The following SHC3 variants were observed in gnomAD, a reference collection of about 807,000 sequenced individuals.
The protein encoded by SHC3 is SHC adaptor protein 3.
In SHC3, 15 loss-of-function variants were observed where a neutral mutation model predicts 60.4. That is an observed-to-expected ratio of 0.25 (90% CI 0.17 to 0.38). The LOEUF (loss-of-function observed/expected upper bound fraction) is 0.38, where lower values mean the gene tolerates loss of function less well. Among genes scored for constraint, SHC3 ranks in the 10% least tolerant of loss-of-function variants. The probability of loss-of-function intolerance (pLI) is 1.00; values close to 1 mark genes in which losing one functional copy is unlikely to be tolerated. For synonymous variants in SHC3, 294 were observed against 325.9 expected (o/e 0.90, Z 1.05); for missense variants, 677 against 786.1 (o/e 0.86, Z 1.66).
chr9:89,028,908 A>G (rs1212689130), intron 11 of SHC3, among the ~76,000 whole-genome samples: 1 of 147,812 alleles, frequency 6.8e-6, no homozygotes, highest in African/African-American at 2.5e-5. Context: ...ATTAATCTAT[A>G]TCTATTAATA....
chr9:89,013,666 T>G (rs911277163), intron 11 of SHC3, 91 bp from the exon 12 acceptor site: 12 of 1,500,410 alleles, frequency 8.0e-6, no homozygotes, highest in Admixed American at 2.1e-5. Flanking sequence ...CCATCTGAAC[T>G]GGCCCAGAAG....
chr9:89,104,615 G>A (rs1443218431), intron 2 of SHC3, among the ~76,000 whole-genome samples: 2 of 152,178 alleles, frequency 1.3e-5, no homozygotes, highest in Non-Finnish European at 2.9e-5. Context: ...CACATTAGGT[G>A]AGAAGTGCTT....
intron 7 of SHC3, among the ~76,000 whole-genome samples, chr9:89,049,679 G>A (rs746926222): frequency 6.6e-6 from 1 of 152,186 alleles, no homozygotes; most frequent in African/African-American, 2.4e-5. Context: ...TGGCCTAAAG[G>A]TTTCTCTGTA....
At chr9:89,052,392 G>C (rs1324916848) in intron 6 of SHC3, among the ~76,000 whole-genome samples, 1 of 152,138 alleles carries the variant, frequency 6.6e-6, no homozygotes, top group African/African-American at 2.4e-5. Context: ...AAAATTATAG[G>C]TTTCATTTTT....
rs755661720 is a variant in SHC3, at chr9:89,071,208, C to T, written c.774G>A (p.Gly258=). 6.2e-7 allele frequency: 1 copy of T among 1,614,078 alleles called. No individual in the cohort carries two copies. Among genetic ancestry groups the T allele is most frequent in the African/African-American group, 1.3e-5 (1 of 75,030 alleles). Residue 258 remains glycine (G), a synonymous_variant, in exon 5 of 12, where the codon GGG becomes GGA. Transcript: ENST00000375835. ...HHMRSISFAS[G]GDPDTTDYVA... ...CCCCAAGGGTACTTACCGGGTCTCC[C>T]CCAGAGGCGAAGGAGATGGACCGCA... is the stretch of plus-strand genomic sequence containing the variant.
At chr9:89,056,613 A>T (rs1316700516) in intron 6 of SHC3, among the ~76,000 whole-genome samples, 2 of 152,192 alleles carry the variant, frequency 1.3e-5, no homozygotes, top group Non-Finnish European at 2.9e-5. Context: ...TTCAGTTAAA[A>T]CTAGTTCACA....
intron 11 of SHC3, among the ~76,000 whole-genome samples, chr9:89,035,101 A>G (rs1824549613): frequency 6.6e-6 from 1 of 152,214 alleles, no homozygotes; most frequent in African/African-American, 2.4e-5. Context: ...ACCAATAAAT[A>G]GTGCGGGTTC....
chr9:89,029,093 A>G (rs2118663842), intron 11 of SHC3, among the ~76,000 whole-genome samples: 1 of 151,652 alleles, frequency 6.6e-6, no homozygotes, highest in South Asian at 2.1e-4. Context: ...AGCTCCCAGA[A>G]CATAGAACAT....
chr9:89,170,279 G>A (rs1410114799), intron 1 of SHC3, among the ~76,000 whole-genome samples: 2 of 152,228 alleles, frequency 1.3e-5, no homozygotes, highest in Non-Finnish European at 2.9e-5. Flanking sequence ...CATAGCTCAT[G>A]CAGTCAAAAT....
chr9:89,134,121 T>C (rs926042247), intron 1 of SHC3, among the ~76,000 whole-genome samples: 6 of 152,082 alleles, frequency 3.9e-5, no homozygotes, highest in African/African-American at 1.4e-4. Context: ...AAGTTAACAG[T>C]GCAATATGTG....
chr9:89,159,939 A>C (rs1826680225), intron 1 of SHC3, among the ~76,000 whole-genome samples: 1 of 152,202 alleles, frequency 6.6e-6, no homozygotes, highest in Non-Finnish European at 1.5e-5. Flanking sequence ...TGCATCCTTC[A>C]ATCCAATTAA....
intron 6 of SHC3, among the ~76,000 whole-genome samples, chr9:89,054,938 G>A (rs188950113): frequency 1.3e-5 from 2 of 152,316 alleles, no homozygotes; most frequent in Admixed American, 1.3e-4. Context: ...AAGAGCACTA[G>A]CCCAAGCTGC....
intron 1 of SHC3, among the ~76,000 whole-genome samples, chr9:89,135,494 A>AT (rs1826305694): frequency 1.3e-5 from 2 of 152,182 alleles, no homozygotes; most frequent in Non-Finnish European, 2.9e-5. Flanking sequence ...AAAAAAAATT[A>AT]TTTTTGATGC....
chr9:89,037,338 T>G lies in SHC3; in HGVS notation c.1656+655A>C, dbSNP rs1824598993. On this transcript the variant is annotated intron_variant, in intron 11 of 11. Transcript: ENST00000375835. ...TCACTGGATAAAAGGTTTTAAACAA[T>G]CCTGGAATTTCACTCAATGGTTAGG... 3 of 603,146 alleles carry G rather than the reference T, an allele frequency of 5.0e-6. No individual in the cohort carries two copies. In the African/African-American group the frequency reaches 5.6e-5, roughly 11 times the overall value. 37.4% of individuals were successfully genotyped at this position (603,146 alleles called of 1,614,324 possible).
intron 2 of SHC3, among the ~76,000 whole-genome samples, chr9:89,096,361 C>T (rs1587724667): frequency 6.6e-6 from 1 of 152,110 alleles, no homozygotes; most frequent in African/African-American, 2.4e-5. Context: ...GACTCAGCTC[C>T]CACTAAACGT....
At chr9:89,076,682 C>G (rs1055641192) in intron 3 of SHC3, among the ~76,000 whole-genome samples, 3 of 152,068 alleles carry the variant, frequency 2.0e-5, no homozygotes, top group African/African-American at 7.2e-5. Context: ...CAACATCTAC[C>G]TGCATTGTGG....
intron 6 of SHC3, among the ~76,000 whole-genome samples, chr9:89,052,766 C>G (rs545361522): frequency 1.3e-5 from 2 of 152,332 alleles, no homozygotes; most frequent in Admixed American, 1.3e-4. Context: ...TAACATGACA[C>G]ATGCATCTAC....
intron 10 of SHC3, among the ~76,000 whole-genome samples, chr9:89,040,252 A>AC (rs1564093101): frequency 0.014 from 15 of 1,104 alleles, no homozygotes; most frequent in East Asian, 0.048. Flanking sequence ...ACCACCATCA[A>AC]AATTACCATC....
intron 11 of SHC3, among the ~76,000 whole-genome samples, chr9:89,018,115 A>G (rs900885545): frequency 1.3e-5 from 2 of 152,216 alleles, no homozygotes; most frequent in Non-Finnish European, 2.9e-5. Context: ...CAGAAATACC[A>G]TTTGACCCAG....
Sources: allele counts gnomAD v4.1 joint callset (sites outside exome capture counted in the v4.1 genomes callset), GRCh38; gene constraint gnomAD v4.1.1; transcripts MANE v1.5; gene names NCBI Gene and HGNC (gene_info 2026-07-23, HGNC 2026-07-21).